Variants in NRG3 observed in about 807,000 individuals in gnomAD.
The protein encoded by NRG3 is neuregulin 3.
A neutral mutation model predicts 66.9 loss-of-function variants in NRG3; 31 were observed. The observed-to-expected ratio is 0.46, with a 90% CI of 0.35 to 0.63. The LOEUF (loss-of-function observed/expected upper bound fraction) is 0.63. Among genes scored for constraint, NRG3 ranks in the 20% least tolerant of loss-of-function variants. NRG3 has a pLI of 0.00. For missense variants in NRG3, 910 were observed against 878.9 expected, an observed-to-expected ratio of 1.04 and a Z score of -0.45; for synonymous variants, 393 against 359.4, an observed-to-expected ratio of 1.09 and a Z score of -1.06.
At chr10:81,903,988 ATATATATAT>A (rs1396025862) in intron 1 of NRG3, among the ~76,000 whole-genome samples, 54 of 126,346 alleles carry the variant, frequency 4.3e-4, no homozygotes, top group African/African-American at 2.0e-3. Flanking sequence ...ATATATATAT[ATATATATAT>A]TTTTTTTTTT....
intron 3 of NRG3, among the ~76,000 whole-genome samples, chr10:82,799,394 C>T (rs193217956): frequency 6.6e-6 from 1 of 152,042 alleles, no homozygotes; most frequent in East Asian, 1.9e-4. Context: ...GGCATGTTGG[C>T]TTGTACCAGT....
intron 5 of NRG3, among the ~76,000 whole-genome samples, chr10:82,953,711 C>A (rs549977686): frequency 6.6e-6 from 1 of 151,980 alleles, no homozygotes; most frequent in African/African-American, 2.4e-5. Flanking sequence ...GTGACTCATG[C>A]CTGTAATCCC....
intron 4 of NRG3, among the ~76,000 whole-genome samples, chr10:82,901,750 G>C (rs189995411): frequency 6.6e-6 from 1 of 152,180 alleles, no homozygotes; most frequent in Non-Finnish European, 1.5e-5. Flanking sequence ...TGTGAAAGTC[G>C]TTTTATAATT....
chr10:82,858,419 C>A (rs1257226223), intron 3 of NRG3, among the ~76,000 whole-genome samples: 1 of 152,142 alleles, frequency 6.6e-6, no homozygotes, highest in Admixed American at 6.5e-5. Flanking sequence ...TGTCCATACT[C>A]TTATCTCGGA....
At chr10:81,998,157 C>T (rs550700951) in intron 1 of NRG3, among the ~76,000 whole-genome samples, 4 of 152,054 alleles carry the variant, frequency 2.6e-5, no homozygotes, top group African/African-American at 9.7e-5. Context: ...TGATAAAGGG[C>T]GTAGTTTCCA....
At chr10:82,158,756 G>A (rs1301579559) in intron 1 of NRG3, among the ~76,000 whole-genome samples, 1 of 151,808 alleles carries the variant, frequency 6.6e-6, no homozygotes, top group Non-Finnish European at 1.5e-5. Context: ...TTGAAATCCT[G>A]AGAGAAGTGG....
At chr10:82,982,078 C>A (rs540430369) in intron 8 of NRG3, among the ~76,000 whole-genome samples, 1 of 152,282 alleles carries the variant, frequency 6.6e-6, no homozygotes, top group East Asian at 1.9e-4. Flanking sequence ...AAATAAACCA[C>A]TAAATCAACA....
Position 82,671,682 on chromosome 10 carries a change from G to A in NRG3, c.954-66895G>A, listed in dbSNP as rs191335038. On this transcript the variant is annotated intron_variant, in intron 2 of 8. Coordinates refer to ENST00000372141, the MANE Select transcript of NRG3 (RefSeq NM_001010848.4). ...TCATCCTTTGTAAAATGAGGTAAAC[G>A]ATACTTCATAGGTGGTAAATACCTG... Among the ~76,000 whole-genome samples the A allele has an allele frequency of 4.2e-3, 644 of 152,266 alleles. 1 individual carries two copies. Among genetic ancestry groups the A allele is most frequent in the Non-Finnish European group, 7.3e-3 (496 of 68,026 alleles).
intron 2 of NRG3, among the ~76,000 whole-genome samples, chr10:82,423,874 C>G (rs113764101): frequency 1.8e-3 from 275 of 152,118 alleles, no homozygotes; most frequent in African/African-American, 6.1e-3. Context: ...ATGGACATTT[C>G]ATACAAATTG....
chr10:82,742,843 A>G (rs759322271), intron 3 of NRG3, among the ~76,000 whole-genome samples: 2 of 152,106 alleles, frequency 1.3e-5, no homozygotes, highest in Non-Finnish European at 2.9e-5. Context: ...GCCTTGAAGC[A>G]CAGTTAGATG....
At chr10:82,941,834 G>GA (rs1474328222) in intron 4 of NRG3, among the ~76,000 whole-genome samples, 4 of 152,174 alleles carry the variant, frequency 2.6e-5, no homozygotes, top group Non-Finnish European at 5.9e-5. Flanking sequence ...TACTTGGATA[G>GA]AAAGGAGCCT....
At chr10:82,465,822 C>T (rs183307111) in intron 2 of NRG3, among the ~76,000 whole-genome samples, 166 of 152,202 alleles carry the variant, frequency 1.1e-3, no homozygotes, top group South Asian at 2.9e-3. Flanking sequence ...TTTTTCAATA[C>T]CTTTAAAATG....
chr10:82,392,879 C>CATAT (rs149089994), intron 2 of NRG3, among the ~76,000 whole-genome samples: 15 of 122,338 alleles, frequency 1.2e-4, no homozygotes, highest in South Asian at 2.3e-4. Flanking sequence ...GAGGTGAGGT[C>CATAT]ATATATATAT....
At chr10:81,900,970 G>A (rs558361568) in intron 1 of NRG3, among the ~76,000 whole-genome samples, 79 of 152,140 alleles carry the variant, frequency 5.2e-4, no homozygotes, top group Non-Finnish European at 6.6e-4. Flanking sequence ...GATATAATGA[G>A]CACAAGATAC....
chr10:82,371,828 T>A (rs569667377), intron 2 of NRG3, among the ~76,000 whole-genome samples: 1 of 152,220 alleles, frequency 6.6e-6, no homozygotes, highest in East Asian at 1.9e-4. Context: ...GGTGCCAGGC[T>A]TTTTTCAACA....
intron 1 of NRG3, among the ~76,000 whole-genome samples, chr10:82,215,285 A>T (rs1429829060): frequency 6.6e-6 from 1 of 152,194 alleles, no homozygotes; most frequent in Admixed American, 6.5e-5. Flanking sequence ...CAAATGGAAC[A>T]ATATGGCTTT....
At chr10:82,923,174 G>T (rs1846620780) in intron 4 of NRG3, among the ~76,000 whole-genome samples, 1 of 152,120 alleles carries the variant, frequency 6.6e-6, no homozygotes, top group Non-Finnish European at 1.5e-5. Flanking sequence ...TGACTCCTAT[G>T]CTGAATGACT....
At chr10:82,727,002 C>T (rs1431529494) in intron 2 of NRG3, among the ~76,000 whole-genome samples, 3 of 152,044 alleles carry the variant, frequency 2.0e-5, no homozygotes, top group African/African-American at 4.8e-5. Flanking sequence ...GATATTTGTG[C>T]AACTTTGAAC....
At chr10:82,673,030 C>T (rs1290998319) in intron 2 of NRG3, among the ~76,000 whole-genome samples, 1 of 152,228 alleles carries the variant, frequency 6.6e-6, no homozygotes, top group Non-Finnish European at 1.5e-5. Context: ...GGATTACAGG[C>T]GTGAGCCACC....
Sources: gnomAD v4.1 joint callset for allele counts (sites outside exome capture counted in the v4.1 genomes callset) on GRCh38, gnomAD v4.1.1 for gene constraint, MANE v1.5 for transcripts, NCBI Gene and HGNC (gene_info 2026-07-23, HGNC 2026-07-21) for gene names.